The following CRTAM variants were observed in gnomAD, a reference collection of about 807,000 sequenced individuals.
CRTAM encodes cytotoxic and regulatory T cell molecule.
Under a neutral mutation model 50.0 loss-of-function variants are expected in CRTAM, and 44 were observed. That is an observed-to-expected ratio of 0.88 (90% CI 0.69 to 1.13). CRTAM has a LOEUF of 1.13. CRTAM is among the 50% of genes most tolerant of loss of function. The probability of loss-of-function intolerance (pLI) is 0.00; values close to 1 mark genes in which losing one functional copy is unlikely to be tolerated. For missense variants in CRTAM, 448 were observed against 457.5 expected, an observed-to-expected ratio of 0.98 and a Z score of 0.19; for synonymous variants, 159 against 169.3, an observed-to-expected ratio of 0.94 and a Z score of 0.47.
At chr11:122,850,526 A>T (rs531167719) in intron 2 of CRTAM, among the ~76,000 whole-genome samples, 2 of 152,328 alleles carry the variant, frequency 1.3e-5, no homozygotes, top group South Asian at 4.1e-4. Context: ...ACACAACCAC[A>T]GCACAATGAC....
In CRTAM at chr11:122,854,180, C is replaced by A. The variant is rs561754373; in HGVS notation, c.490+94C>A. On this transcript the variant is annotated intron_variant, in intron 4 of 9. Coordinates refer to ENST00000227348, the MANE Select transcript of CRTAM (RefSeq NM_019604.4). ...GGCACCCTCTAGTGGCAGACAATGCCAGAAGACATCATTTAATATTTCATC... is the reference window on the plus strand; with the variant it reads ...GGCACCCTCTAGTGGCAGACAATGCAAGAAGACATCATTTAATATTTCATC... The A allele has an allele frequency of 6.4e-5, 77 of 1,196,238 alleles. No individual in the cohort carries two copies. The African/African-American group carries it at 1.1e-3, about 18-fold the overall frequency. 74.1% of individuals were successfully genotyped at this position (1,196,238 alleles called of 1,614,324 possible).
chr11:122,862,540 T>A lies in CRTAM; in HGVS notation c.729T>A (p.Ser243Arg). The change falls in exon 6 of 10, where the codon AGT becomes AGA. Residue 243 changes from serine to arginine, a missense_variant. Ser to Arg is a moderately radical substitution (Grantham distance 110). Coordinates refer to ENST00000227348, the MANE Select transcript of CRTAM (RefSeq NM_019604.4). ...CTCAAGACCCACAGCAGCCCACCAG[T>A]ACTGGTAAGTGTCAAAATCATTCAA... ...LSSQDPQQPTSTVSVTEDSST... is the reference protein window; with the variant it reads ...LSSQDPQQPTRTVSVTEDSST... 1.9e-6 allele frequency: 3 copies of A among 1,578,248 alleles called. No individual in the cohort carries two copies. Among genetic ancestry groups the A allele is most frequent in the Non-Finnish European group, 2.6e-6 (3 of 1,152,050 alleles).
At chr11:122,864,841 G>A in intron 7 of CRTAM, 122 bp downstream of exon 7, 2 of 686,244 alleles carry the variant, frequency 2.9e-6, no homozygotes, top group Admixed American at 4.8e-5. Flanking sequence ...GACATGATTG[G>A]TTAATCACTC....
chr11:122,838,702 C>A, intron 1 of CRTAM, 110 bp downstream of exon 1: 1 of 943,154 alleles, frequency 1.1e-6, no homozygotes, highest in Non-Finnish European at 1.7e-6. Flanking sequence ...AGAAGACAAC[C>A]CAGGTAACTG....
In CRTAM at chr11:122,867,524, G is replaced by C; in HGVS notation, c.933G>C (p.Lys311Asn). ...TCATAGTCCAGCTCTTCATCATGAA[G>C]CTGAGGAAAGCACATGTGATATGGA... ...LFIIVQLFIM[K>N]LRKAHVIWKK... is the part of the protein sequence containing the mutation. Residue 311 changes from lysine to asparagine, a missense_variant, in exon 8 of 10, where the codon AAG (lysine) becomes AAC (asparagine). Transcript: ENST00000227348. 1 of 1,614,062 alleles carries C rather than the reference G, an allele frequency of 6.2e-7. No individual in the cohort carries two copies. The highest frequency in any genetic ancestry group is 8.5e-7 in the Non-Finnish European group (1 of 1,179,968).
chr11:122,867,170 A>T (rs1862187217), intron 7 of CRTAM, among the ~76,000 whole-genome samples: 1 of 152,182 alleles, frequency 6.6e-6, no homozygotes, highest in Non-Finnish European at 1.5e-5. Context: ...TACGTCACTT[A>T]AAAAATCTTT....
rs551084658 is a variant in CRTAM, at chr11:122,870,835, T to G, written c.1052-434T>G. ...GGCTTATGCCTATAATCCCAGGATTTGGGGAGGCTGAGGCGGGTGGATCAC... is the reference window on the plus strand; with the variant it reads ...GGCTTATGCCTATAATCCCAGGATTGGGGGAGGCTGAGGCGGGTGGATCAC... On this transcript the variant is annotated intron_variant, in intron 9 of 9. Transcript: ENST00000227348. Among the ~76,000 whole-genome samples, 25 of 152,274 alleles carry G rather than the reference T, an allele frequency of 1.6e-4. No individual in the cohort carries two copies. In the South Asian group the frequency reaches 4.8e-3, roughly 29 times the overall value.
At chr11:122,846,409 A>G (rs931158915) in intron 1 of CRTAM, among the ~76,000 whole-genome samples, 27 of 151,672 alleles carry the variant, frequency 1.8e-4, no homozygotes, top group African/African-American at 5.6e-4. Flanking sequence ...CCCGGGTTCA[A>G]TGATTCTCCT....
At chr11:122,856,074 C>T (rs886094382) in intron 5 of CRTAM, among the ~76,000 whole-genome samples, 2 of 152,174 alleles carry the variant, frequency 1.3e-5, no homozygotes, top group African/African-American at 4.8e-5. Context: ...GAGCAGAAAG[C>T]CTAGCACAGC....
At chr11:122,865,111 A>T (rs761700343) in intron 7 of CRTAM, among the ~76,000 whole-genome samples, 10 of 151,918 alleles carry the variant, frequency 6.6e-5, no homozygotes, top group Non-Finnish European at 1.0e-4. Context: ...ATCCCAGCTC[A>T]CTATAACCTC....
chr11:122,852,001 G>A (rs1755456588), intron 3 of CRTAM, among the ~76,000 whole-genome samples, 156 bp downstream of exon 3: 1 of 152,194 alleles, frequency 6.6e-6, no homozygotes, highest in Non-Finnish European at 1.5e-5. Flanking sequence ...ACAGAAGAGA[G>A]CATTTTGAGA....
At chr11:122,862,413 G>A in intron 5 of CRTAM, 51 bp from the exon 6 acceptor site, 1 of 1,110,188 alleles carries the variant, frequency 9.0e-7, no homozygotes, top group Admixed American at 1.7e-5. Context: ...AGCACAATGT[G>A]GGTAAAACTG....
intron 4 of CRTAM, 48 bp from the exon 5 acceptor site, chr11:122,855,647 T>C (rs772068757): frequency 3.2e-6 from 5 of 1,566,728 alleles, no homozygotes; most frequent in Non-Finnish European, 3.5e-6. Context: ...AGAACCAACC[T>C]CATCCAGTAG....
At chr11:122,869,325 G>T (rs1467461838) in intron 9 of CRTAM, among the ~76,000 whole-genome samples, 8 of 152,302 alleles carry the variant, frequency 5.3e-5, no homozygotes, top group African/African-American at 1.9e-4. Context: ...TAGGTGGTGA[G>T]TAATCAGATT....
chr11:122,869,846 AG>A (rs1390892624), intron 9 of CRTAM, among the ~76,000 whole-genome samples: 1 of 152,136 alleles, frequency 6.6e-6, no homozygotes, highest in Non-Finnish European at 1.5e-5. Flanking sequence ...TGGGGGTGGG[AG>A]GGGAAAATGT....
intron 3 of CRTAM, among the ~76,000 whole-genome samples, chr11:122,852,103 G>T (rs1861937919): frequency 6.6e-6 from 1 of 152,112 alleles, no homozygotes; most frequent in South Asian, 2.1e-4. Context: ...AAGAAAAATT[G>T]ATATTTGATG....
chr11:122,838,582 C>T lies in CRTAM; in HGVS notation c.36C>T (p.Phe12=). ...GAGTTCTCAGCTTGCTGGCATGGTTCCCCTTGCAAGGTAAGGACTTAGAGT... is the reference window on the plus strand; with the variant it reads ...GAGTTCTCAGCTTGCTGGCATGGTTTCCCTTGCAAGGTAAGGACTTAGAGT... The part of the protein sequence containing the change: ...WWRVLSLLAW[F]PLQEASLTNH... Residue 12 remains phenylalanine, a synonymous_variant, in exon 1 of 10, where the codon TTC becomes TTT. Coordinates refer to ENST00000227348, the MANE Select transcript of CRTAM (RefSeq NM_019604.4). 2 of 1,614,096 alleles carry T rather than the reference C, an allele frequency of 1.2e-6. No individual in the cohort carries two copies. The highest frequency in any genetic ancestry group is 8.5e-7 in the Non-Finnish European group (1 of 1,179,934).
In CRTAM at chr11:122,871,527, C is replaced by T; in HGVS notation, c.*128C>T. 1.4e-6 allele frequency: 1 copy of T among 690,694 alleles called. No homozygotes were observed. 42.8% of individuals were successfully genotyped at this position (690,694 alleles called of 1,614,324 possible). ...TCTTAGTGCAATGCAAGATGGTGTC[C>T]TCGGATAATGATCTGCCCCGGAGCT... On this transcript the variant is annotated 3_prime_UTR_variant, in exon 10 of 10. Transcript: ENST00000227348.
chr11:122,865,859 C>T (rs1862165850), intron 7 of CRTAM, among the ~76,000 whole-genome samples: 1 of 152,162 alleles, frequency 6.6e-6, no homozygotes, highest in Non-Finnish European at 1.5e-5. Context: ...TGCATATGCA[C>T]ACACGTATAT....
Sources: allele counts gnomAD v4.1 joint callset (sites outside exome capture counted in the v4.1 genomes callset), GRCh38; gene constraint gnomAD v4.1.1; transcripts MANE v1.5; gene names NCBI Gene and HGNC (gene_info 2026-07-23, HGNC 2026-07-21).